The following DNASE2B variants were observed in gnomAD, a reference collection of about 807,000 sequenced individuals.
The protein encoded by DNASE2B is deoxyribonuclease 2 beta.
In DNASE2B, 43 loss-of-function variants were observed where a neutral mutation model predicts 46.0. That is an observed-to-expected ratio of 0.94 (90% CI 0.73 to 1.21). The LOEUF (loss-of-function observed/expected upper bound fraction) is 1.21. DNASE2B is among the 50% of genes most tolerant of loss of function. DNASE2B has a pLI of 0.00. For missense variants in DNASE2B, 395 were observed against 414.4 expected (o/e 0.95, Z 0.41); for synonymous variants, 156 against 152.5 (o/e 1.02, Z -0.17).
intron 2 of DNASE2B, among the ~76,000 whole-genome samples, chr1:84,403,580 G>C (rs949677483): frequency 2.6e-5 from 4 of 151,464 alleles, no homozygotes; most frequent in Admixed American, 2.6e-4. Flanking sequence ...AGAGATGGGA[G>C]AGGTGGGGAA....
At chr1:84,406,642 C>T (rs974963840) in intron 2 of DNASE2B, among the ~76,000 whole-genome samples, 2 of 152,188 alleles carry the variant, frequency 1.3e-5, no homozygotes, top group African/African-American at 4.8e-5. Context: ...GGACTGATTT[C>T]CATGCCTGAT....
chr1:84,399,139 A>T (rs936578368), intron 1 of DNASE2B, among the ~76,000 whole-genome samples: 2 of 152,214 alleles, frequency 1.3e-5, no homozygotes, highest in Non-Finnish European at 2.9e-5. Context: ...CACACACAGC[A>T]CTGTTTGCCT....
In DNASE2B at chr1:84,411,463, TGTGTGTGTGTGTGTG is replaced by T. The variant is rs1413827498; in HGVS notation, c.547+465_547+479del. Reference sequence around the variant, plus strand: ...GTGTGTGTGTGTGTGTGTGTGTGTGTGTGTGTGTGTGTGTGTGTGTCAGAGAGAGAGAGAGAGAGA... The same window carrying T: ...GTGTGTGTGTGTGTGTGTGTGTGTGTTGTGTCAGAGAGAGAGAGAGAGAGA... On this transcript the variant is annotated intron_variant, in intron 4 of 5. Coordinates refer to ENST00000370665, the MANE Select transcript of DNASE2B (RefSeq NM_021233.3). 2.8e-4 allele frequency among the ~76,000 whole-genome samples: 14 copies of T among 50,524 alleles called. No homozygotes were observed. In the South Asian group the frequency reaches 9.3e-3, roughly 34 times the overall value. 33.1% of individuals were successfully genotyped at this position (50,524 alleles called of 152,430 possible). A position where few individuals can be genotyped will look rare whatever the true frequency, so the allele number is the denominator to read the frequency against.
chr1:84,410,879 C>T lies in DNASE2B; in HGVS notation c.427C>T (p.His143Tyr). Residue 143 changes from histidine (H) to tyrosine (Y), a missense_variant, in exon 4 of 6, where the codon CAT becomes TAT. Coordinates refer to ENST00000370665, the MANE Select transcript of DNASE2B (RefSeq NM_021233.3). ...CAGAGTTCAAGGGTTCTGGCTGATT[C>T]ATTCCATCCCTCAGTTTCCTCCAAT... The part of the protein sequence containing the change: ...WNRVQGFWLI[H>Y]SIPQFPPIPE... 2 of 1,613,590 alleles carry T rather than the reference C, an allele frequency of 1.2e-6. No homozygotes were observed. The highest frequency in any genetic ancestry group is 1.1e-5 in the South Asian group (1 of 90,978).
At chr1:84,409,665 A>G (rs993120714) in intron 3 of DNASE2B, among the ~76,000 whole-genome samples, 14 of 152,286 alleles carry the variant, frequency 9.2e-5, no homozygotes, top group Middle Eastern at 3.4e-3. Context: ...TTTTCATAAC[A>G]TGCTACATTC....
intron 3 of DNASE2B, 137 bp downstream of exon 3, chr1:84,408,655 A>G: frequency 1.7e-6 from 1 of 598,722 alleles, no homozygotes; most frequent in Non-Finnish European, 2.6e-6. Flanking sequence ...ATTGAAATGT[A>G]TGACTTCTAT....
At chr1:84,399,121 G>A (rs1680357121) in intron 1 of DNASE2B, among the ~76,000 whole-genome samples, 2 of 152,232 alleles carry the variant, frequency 1.3e-5, no homozygotes, top group African/African-American at 4.8e-5. Context: ...AGAGAAGGGG[G>A]ACCTGGTCAC....
At chr1:84,403,487 T>C (rs1680453683) in intron 2 of DNASE2B, among the ~76,000 whole-genome samples, 1 of 151,586 alleles carries the variant, frequency 6.6e-6, no homozygotes, top group Non-Finnish European at 1.5e-5. Flanking sequence ...ATCATAAGTG[T>C]CTTCATCCTT....
At chr1:84,402,166 A>C in intron 2 of DNASE2B, 88 bp downstream of exon 2, 1 of 1,340,798 alleles carries the variant, frequency 7.5e-7, no homozygotes, top group Non-Finnish European at 1.0e-6. Flanking sequence ...CTGTTCACCC[A>C]CCCAACCCCC....
intron 2 of DNASE2B, among the ~76,000 whole-genome samples, chr1:84,402,482 T>A (rs1680437886): frequency 2.0e-5 from 3 of 152,214 alleles, no homozygotes; most frequent in South Asian, 4.2e-4. Flanking sequence ...TATATCATGG[T>A]GTTGATCAGT....
chr1:84,410,158 G>A lies in DNASE2B; in HGVS notation c.386-680G>A, dbSNP rs941019760. Among the ~76,000 whole-genome samples the A allele has an allele frequency of 4.1e-4, 62 of 152,146 alleles. 1 individual carries two copies. Among genetic ancestry groups the A allele is most frequent in the Non-Finnish European group, 1.2e-4 (8 of 68,016 alleles). ...TTTCTAAACACAAAAATAGTCAGAT[G>A]TCTGTTTTACAAAGTTCTTTTTGGT... On this transcript the variant is annotated intron_variant, in intron 3 of 5. Transcript: ENST00000370665.
In DNASE2B at chr1:84,414,907, T is replaced by G; in HGVS notation, c.*39T>G. On this transcript the variant is annotated 3_prime_UTR_variant, in exon 6 of 6. Coordinates refer to ENST00000370665, the MANE Select transcript of DNASE2B (RefSeq NM_021233.3). ...ACACAGGTACTATCATTGAAAACCT[T>G]GACAATGGGTCTTCTTCCATTACAC... 1.4e-6 allele frequency: 2 copies of G among 1,455,760 alleles called. No individual in the cohort carries two copies. Among genetic ancestry groups the G allele is most frequent in the Non-Finnish European group, 1.9e-6 (2 of 1,056,194 alleles). 90.2% of individuals were successfully genotyped at this position (1,455,760 alleles called of 1,614,324 possible). A position where few individuals can be genotyped will look rare whatever the true frequency, so the allele number is the denominator to read the frequency against.
At chr1:84,403,533 G>C (rs1680453914) in intron 2 of DNASE2B, among the ~76,000 whole-genome samples, 1 of 151,758 alleles carries the variant, frequency 6.6e-6, no homozygotes, top group African/African-American at 2.4e-5. Context: ...GCAGAAGGAA[G>C]AAGGGGAAGG....
intron 2 of DNASE2B, among the ~76,000 whole-genome samples, chr1:84,405,618 A>G (rs530112211): frequency 1.3e-5 from 2 of 152,338 alleles, no homozygotes; most frequent in South Asian, 4.1e-4. Context: ...TATTGCCCCA[A>G]ACATGATGAA....
intron 1 of DNASE2B, 43 bp downstream of exon 1, chr1:84,398,732 C>T (rs750008493): frequency 2.5e-6 from 4 of 1,609,412 alleles, no homozygotes; most frequent in Admixed American, 3.3e-5. Context: ...CAAACAGCCT[C>T]GGTACAGAGT....
chr1:84,401,414 G>A (rs897057696), intron 1 of DNASE2B, among the ~76,000 whole-genome samples: 2 of 152,134 alleles, frequency 1.3e-5, no homozygotes, highest in Non-Finnish European at 2.9e-5. Flanking sequence ...GGAAGGAAAG[G>A]GCCTACTTAA....
chr1:84,413,581 CT>C (rs1267798947), intron 5 of DNASE2B, among the ~76,000 whole-genome samples: 2 of 152,166 alleles, frequency 1.3e-5, no homozygotes, highest in Non-Finnish European at 2.9e-5. Flanking sequence ...CTGCCAGGTC[CT>C]TTTCCTCTGA....
Position 84,414,806 on chromosome 1 carries a change from C to T in DNASE2B, c.1024C>T (p.Gln342Ter). Residue 342 changes from glutamine (Q) to a stop codon, truncating the protein, a stop_gained, in exon 6 of 6, where the codon CAG becomes TAG. Coordinates refer to ENST00000370665, the MANE Select transcript of DNASE2B (RefSeq NM_021233.3). LOFTEE classifies it high-confidence loss of function. ...AFRSGGFICT[Q>*]NWQIYQAFQG... ...CAGAAGTGGAGGATTCATTTGTACC[C>T]AGAATTGGCAAATTTACCAAGCATT... 6.2e-7 allele frequency: 1 copy of T among 1,614,104 alleles called. No individual in the cohort carries two copies. The highest frequency in any genetic ancestry group is 8.5e-7 in the Non-Finnish European group (1 of 1,180,008).
At chr1:84,412,648 G>GA in intron 5 of DNASE2B, 102 bp downstream of exon 5, 3 of 1,156,974 alleles carry the variant, frequency 2.6e-6, no homozygotes, top group African/African-American at 1.6e-5. Context: ...AAAGAGAGAT[G>GA]AAAAAAGGGA....
Sources: gnomAD v4.1 joint callset for allele counts (sites outside exome capture counted in the v4.1 genomes callset) on GRCh38, gnomAD v4.1.1 for gene constraint, MANE v1.5 for transcripts, NCBI Gene and HGNC (gene_info 2026-07-23, HGNC 2026-07-21) for gene names.